SUMF1: variants seen among roughly 807,000 people sequenced by gnomAD.
SUMF1 encodes sulfatase modifying factor 1, also known as formylglycine-generating enzyme.
Under a neutral mutation model 47.6 loss-of-function variants are expected in SUMF1, and 48 were observed. That is an observed-to-expected ratio of 1.01 (90% confidence interval 0.80 to 1.28). The LOEUF (loss-of-function observed/expected upper bound fraction) is 1.28. Ranked by LOEUF, SUMF1 falls within the 50% of genes most tolerant of loss-of-function variation. The probability of loss-of-function intolerance (pLI) is 0.00; values close to 1 mark genes in which losing one functional copy is unlikely to be tolerated. For missense variants in SUMF1, 571 were observed against 485.4 expected, an observed-to-expected ratio of 1.18 and a Z score of -1.66; for synonymous variants, 230 against 192.1, an observed-to-expected ratio of 1.20 and a Z score of -1.63.
chr3:4,340,426 A>C (rs1267901975), intron 8 of SUMF1, among the ~76,000 whole-genome samples: 1 of 152,172 alleles, frequency 6.6e-6, no homozygotes, highest in African/African-American at 2.4e-5. Context: ...GTAATAGTTT[A>C]TGGTCTTCAT....
Position 4,275,665 on chromosome 3 carries a change from A to T in SUMF1, c.1014+100665T>A, listed in dbSNP as rs893855519. 5.9e-5 allele frequency among the ~76,000 whole-genome samples: 9 copies of T among 152,160 alleles called. 1 individual carries two copies. The highest frequency in any genetic ancestry group is 5.9e-4 in the Admixed American group (9 of 15,280). On this transcript the variant is annotated intron_variant and NMD_transcript_variant, in intron 8 of 12. Transcript: ENST00000448413. Reference sequence around the variant, plus strand: ...ACTGGGGATGAGGCCAACTTCTCCCAAAGTACTTAGCTCTGGGGAGAAGAG... The same window carrying T: ...ACTGGGGATGAGGCCAACTTCTCCCTAAGTACTTAGCTCTGGGGAGAAGAG...
intron 8 of SUMF1, among the ~76,000 whole-genome samples, chr3:4,203,883 A>G (rs949611807): frequency 6.6e-6 from 1 of 151,926 alleles, no homozygotes; most frequent in Admixed American, 6.6e-5. Context: ...CTCACAATTT[A>G]ATTTCAACCC....
chr3:4,372,965 T>C (rs188805830), intron 8 of SUMF1, among the ~76,000 whole-genome samples: 57 of 152,356 alleles, frequency 3.7e-4, no homozygotes, highest in African/African-American at 1.3e-3. Context: ...CATTTTTCTA[T>C]GGAAAATCCT....
intron 8 of SUMF1, chr3:4,317,306 G>T (rs1027174395): frequency 6.4e-6 from 7 of 1,100,454 alleles, no homozygotes; most frequent in Non-Finnish European, 7.7e-6. Flanking sequence ...ACCGCAGTTA[G>T]TTTTGCACCA....
At chr3:4,279,973 T>C (rs1697494181) in intron 8 of SUMF1, among the ~76,000 whole-genome samples, 2 of 152,162 alleles carry the variant, frequency 1.3e-5, no homozygotes, top group South Asian at 4.1e-4. Context: ...CTGTATTCTT[T>C]AAAGGATGTG....
chr3:4,039,909 G>A (rs543003487), intron 9 of SUMF1, among the ~76,000 whole-genome samples: 3 of 152,134 alleles, frequency 2.0e-5, no homozygotes, highest in African/African-American at 7.2e-5. Context: ...TATAATTTCA[G>A]CTACTTGGGA....
intron 8 of SUMF1, among the ~76,000 whole-genome samples, chr3:4,109,025 G>T (rs1231274596): frequency 6.6e-6 from 1 of 152,068 alleles, no homozygotes; most frequent in Non-Finnish European, 1.5e-5. Context: ...AGCCTCCATG[G>T]TCTTTACAAT....
chr3:4,062,791 C>T (rs924790714), intron 9 of SUMF1, among the ~76,000 whole-genome samples: 17 of 152,126 alleles, frequency 1.1e-4, no homozygotes, highest in African/African-American at 1.2e-4. Context: ...GCATGCATTC[C>T]GGAGATGTAC....
At chr3:4,270,949 G>T (rs1261140216) in intron 8 of SUMF1, among the ~76,000 whole-genome samples, 1 of 152,190 alleles carries the variant, frequency 6.6e-6, no homozygotes, top group Non-Finnish European at 1.5e-5. Context: ...AGCTCTGACT[G>T]CAGTATGCTA....
intron 8 of SUMF1, among the ~76,000 whole-genome samples, chr3:4,223,306 T>A (rs973960027): frequency 6.6e-6 from 1 of 152,250 alleles, no homozygotes; most frequent in Non-Finnish European, 1.5e-5. Context: ...CTTGATTTCT[T>A]ACCAGCTATG....
chr3:4,360,553 G>A (rs774796888), downstream of SUMF1, among the ~76,000 whole-genome samples: 3 of 151,936 alleles, frequency 2.0e-5, no homozygotes, highest in South Asian at 4.2e-4. Flanking sequence ...AGCTAATCTC[G>A]AACTCCTGAC....
intron 9 of SUMF1, among the ~76,000 whole-genome samples, chr3:4,042,875 C>G (rs1694935353): frequency 6.6e-6 from 1 of 152,074 alleles, no homozygotes; most frequent in African/African-American, 2.4e-5. Context: ...AGTTGGCTCC[C>G]AAGGCAAGTC....
intron 8 of SUMF1, among the ~76,000 whole-genome samples, chr3:4,296,195 C>T (rs1295760486): frequency 2.0e-5 from 3 of 151,322 alleles, no homozygotes; most frequent in Non-Finnish European, 4.4e-5. Flanking sequence ...TTATCCCTTC[C>T]ACCAGATAGA....
intron 8 of SUMF1, chr3:4,313,908 G>A (rs1319570119): frequency 7.2e-7 from 1 of 1,384,374 alleles, no homozygotes; most frequent in African/African-American, 1.4e-5. Flanking sequence ...TCCCCTTTCT[G>A]TAATAGAATT....
intron 7 of SUMF1, among the ~76,000 whole-genome samples, chr3:4,409,079 T>C (rs1288024094): frequency 6.6e-6 from 1 of 152,214 alleles, no homozygotes; most frequent in Non-Finnish European, 1.5e-5. Context: ...TGACCTCATG[T>C]GACTTGCTCT....
chr3:4,284,234 G>A (rs926195856), intron 8 of SUMF1, among the ~76,000 whole-genome samples: 55 of 151,622 alleles, frequency 3.6e-4, no homozygotes, highest in Admixed American at 5.3e-4. Flanking sequence ...AGGCAACATG[G>A]CAAAATCCCA....
At chr3:4,338,537 G>A (rs922906077) in intron 8 of SUMF1, among the ~76,000 whole-genome samples, 3 of 152,240 alleles carry the variant, frequency 2.0e-5, no homozygotes, top group African/African-American at 7.2e-5. Flanking sequence ...CTAAGTGGTG[G>A]GAAGTTGAGT....
chr3:4,238,705 T>G (rs926954318), intron 8 of SUMF1, among the ~76,000 whole-genome samples: 9 of 152,186 alleles, frequency 5.9e-5, no homozygotes, highest in Non-Finnish European at 1.3e-4. Context: ...TTGCAAAAAT[T>G]TTCTCCCATT....
intron 8 of SUMF1, among the ~76,000 whole-genome samples, chr3:4,197,289 AT>A (rs1574969828): frequency 6.6e-6 from 1 of 151,926 alleles, no homozygotes; most frequent in Non-Finnish European, 1.5e-5. Flanking sequence ...TAATTTTTGT[AT>A]TTTTTGTACA....
Sources: allele counts gnomAD v4.1 joint callset (sites outside exome capture counted in the v4.1 genomes callset), GRCh38; gene constraint gnomAD v4.1.1; transcripts MANE v1.5; gene names NCBI Gene and HGNC (gene_info 2026-07-23, HGNC 2026-07-21).